TRPM3: variants seen among roughly 807,000 people sequenced by gnomAD.
The protein encoded by TRPM3 is transient receptor potential cation channel subfamily M member 3.
Under a neutral mutation model 181.2 loss-of-function variants are expected in TRPM3, and 77 were observed. The observed-to-expected ratio is 0.42, with a 90% CI of 0.35 to 0.51. The LOEUF is 0.51. Among genes scored for constraint, TRPM3 ranks in the 20% least tolerant of loss-of-function variants. The probability of loss-of-function intolerance (pLI) is 0.01; values close to 1 mark genes in which losing one functional copy is unlikely to be tolerated. For missense variants in TRPM3, 1,759 were observed against 2,196.7 expected (o/e 0.80, Z 3.98); for synonymous variants, 745 against 796.4 (o/e 0.94, Z 1.09).
chr9:70,553,140 G>A lies in TRPM3; in HGVS notation c.3374+20C>T. The A allele has an allele frequency of 6.2e-7, 1 of 1,614,056 alleles. No homozygotes were observed. The highest frequency in any genetic ancestry group is 8.5e-7 in the Non-Finnish European group (1 of 1,179,920). On this transcript the variant is annotated intron_variant, in intron 23 of 25. Transcript: ENST00000677713. Reference sequence around the variant, plus strand: ...CCTGCTGTCCTCATCCATCCCACGTGCTCCAAAGGACCCACTTACTTAAAG... The same window carrying A: ...CCTGCTGTCCTCATCCATCCCACGTACTCCAAAGGACCCACTTACTTAAAG...
chr9:70,554,781 A>T (rs1413753251), intron 22 of TRPM3, among the ~76,000 whole-genome samples: 2 of 152,218 alleles, frequency 1.3e-5, no homozygotes, highest in African/African-American at 4.8e-5. Flanking sequence ...TAACATTAGG[A>T]CACCAAGACC....
intron 25 of TRPM3, among the ~76,000 whole-genome samples, chr9:70,545,841 C>T (rs1360542851): frequency 6.6e-6 from 1 of 152,134 alleles, no homozygotes. Flanking sequence ...AACCACTGCA[C>T]CCGGCCTTAA....
intron 1 of TRPM3, among the ~76,000 whole-genome samples, chr9:71,139,215 A>C (rs1005027988): frequency 6.6e-6 from 1 of 152,202 alleles, no homozygotes; most frequent in Non-Finnish European, 1.5e-5. Flanking sequence ...ATTGATGGGA[A>C]CAGCATATTA....
intron 1 of TRPM3, among the ~76,000 whole-genome samples, chr9:71,430,935 C>T (rs993241982): frequency 2.0e-5 from 3 of 152,128 alleles, no homozygotes; most frequent in African/African-American, 4.8e-5. Flanking sequence ...AGTTTCTTGC[C>T]ATAATAAGTA....
intron 17 of TRPM3, among the ~76,000 whole-genome samples, chr9:70,617,164 G>A (rs538039865): frequency 3.9e-5 from 6 of 152,266 alleles, no homozygotes; most frequent in South Asian, 2.1e-4. Context: ...GTGCCTGGCC[G>A]GCCTACGAAG....
At position 70,873,879 on chromosome 9, in the gene TRPM3, T is replaced by C. The variant is rs992426740; in HGVS notation, c.178-9368A>G. ...TGTAATTTCACCTAGAACACTTCCC[T>C]TCTTCCTTCTCCTATTTTTATCATT... On this transcript the variant is annotated intron_variant, in intron 1 of 25. Coordinates refer to ENST00000677713, the MANE Select transcript of TRPM3 (RefSeq NM_001366145.2). Among the ~76,000 whole-genome samples, 11 of 152,018 alleles carry C rather than the reference T, an allele frequency of 7.2e-5. No homozygotes were observed. The East Asian group carries it at 1.4e-3, about 19-fold the overall frequency.
At chr9:71,417,370 T>C (rs2093652463) in intron 1 of TRPM3, among the ~76,000 whole-genome samples, 1 of 151,990 alleles carries the variant, frequency 6.6e-6, no homozygotes, top group African/African-American at 2.4e-5. Flanking sequence ...TGGTTTTAAC[T>C]TGAATTTCCC....
chr9:70,781,906 A>T (rs1564257402), intron 7 of TRPM3, among the ~76,000 whole-genome samples: 1 of 152,038 alleles, frequency 6.6e-6, no homozygotes, highest in Non-Finnish European at 1.5e-5. Context: ...AATAATAGGC[A>T]CTTAGTCCTG....
At chr9:71,115,295 CCCA>C (rs2072098696) in intron 1 of TRPM3, among the ~76,000 whole-genome samples, 1 of 152,146 alleles carries the variant, frequency 6.6e-6, no homozygotes, top group Non-Finnish European at 1.5e-5. Flanking sequence ...AATTCCTGAA[CCCA>C]CCACCTACCT....
At chr9:71,423,264 C>T (rs1347033073) in intron 1 of TRPM3, among the ~76,000 whole-genome samples, 3 of 152,050 alleles carry the variant, frequency 2.0e-5, no homozygotes, top group Non-Finnish European at 4.4e-5. Context: ...TAGGAAAGAT[C>T]CACTAAAAGT....
In TRPM3 at chr9:70,791,571, C is replaced by G. The variant is rs139995644; in HGVS notation, c.974-7292G>C. On this transcript the variant is annotated intron_variant, in intron 6 of 25. Transcript: ENST00000677713. ...TTAATGAACCCCCTCTATGTACAAT[C>G]TTTTCATATTTAAAGCTAATAACAA... Among the ~76,000 whole-genome samples the G allele has an allele frequency of 3.3e-5, 5 of 152,306 alleles. No homozygotes were observed. The East Asian group carries it at 9.7e-4, about 29-fold the overall frequency.
intron 8 of TRPM3, among the ~76,000 whole-genome samples, chr9:70,752,043 T>TGG (rs1204795370): frequency 5.3e-5 from 6 of 112,152 alleles, no homozygotes; most frequent in Non-Finnish European, 9.6e-5. Flanking sequence ...TGTGTGTGTG[T>TGG]GTGTGTGCGC....
At position 70,924,728 on chromosome 9, in the gene TRPM3, C is replaced by T. The variant is rs148642918; in HGVS notation, c.178-60217G>A. Reference sequence around the variant, plus strand: ...TAAGCTAAAATTTGACATGTTAACACTAATACGTAAGCCTTATAGTCCTGA... The same window carrying T: ...TAAGCTAAAATTTGACATGTTAACATTAATACGTAAGCCTTATAGTCCTGA... On this transcript the variant is annotated intron_variant, in intron 1 of 25. Coordinates refer to ENST00000677713, the MANE Select transcript of TRPM3 (RefSeq NM_001366145.2). Among the ~76,000 whole-genome samples, 365 of 152,250 alleles carry T rather than the reference C, an allele frequency of 2.4e-3. 2 individuals carry two copies. The highest frequency in any genetic ancestry group is 8.5e-3 in the African/African-American group (352 of 41,544).
chr9:70,984,460 T>C (rs1030393728), intron 1 of TRPM3, among the ~76,000 whole-genome samples: 1 of 152,216 alleles, frequency 6.6e-6, no homozygotes, highest in Non-Finnish European at 1.5e-5. Context: ...CCAAACACTT[T>C]CTCTTAATCA....
intron 1 of TRPM3, among the ~76,000 whole-genome samples, chr9:71,004,541 A>G (rs143033756): frequency 2.3e-3 from 355 of 152,364 alleles, no homozygotes; most frequent in Non-Finnish European, 4.1e-3. Context: ...CTCCTCCTAT[A>G]TGCAGGCATC....
intron 1 of TRPM3, among the ~76,000 whole-genome samples, chr9:70,959,834 A>G (rs997737394): frequency 2.0e-5 from 3 of 152,138 alleles, no homozygotes; most frequent in Admixed American, 1.3e-4. Context: ...TTTCTCTTCC[A>G]TTTCACAAAA....
At chr9:71,265,362 T>A (rs1207361010) in intron 1 of TRPM3, among the ~76,000 whole-genome samples, 1 of 152,208 alleles carries the variant, frequency 6.6e-6, no homozygotes, top group Non-Finnish European at 1.5e-5. Flanking sequence ...TTATTGCTCA[T>A]AGTATTTGCA....
At position 71,353,749 on chromosome 9, in the gene TRPM3, G is replaced by A. The variant is rs549886954; in HGVS notation, c.183+92904C>T. The stretch of plus-strand genomic sequence containing the variant: ...GTTTCCCTTCTTTTGTAAATATTTG[G>A]CAGTTTTATAAAATAAAGCTTCCCC... On this transcript the variant is annotated intron_variant, in intron 1 of 24. Coordinates refer to the TRPM3 transcript ENST00000357533. Among the ~76,000 whole-genome samples the A allele has an allele frequency of 2.0e-5, 3 of 152,176 alleles. No homozygotes were observed. In the South Asian group the frequency reaches 6.2e-4, roughly 32 times the overall value.
At chr9:70,593,468 G>T (rs910517182) in intron 21 of TRPM3, among the ~76,000 whole-genome samples, 3 of 152,158 alleles carry the variant, frequency 2.0e-5, no homozygotes, top group African/African-American at 7.2e-5. Context: ...AGGAAGGTTT[G>T]TGCTCATGAG....
Sources: allele counts gnomAD v4.1 joint callset (sites outside exome capture counted in the v4.1 genomes callset), GRCh38; gene constraint gnomAD v4.1.1; transcripts MANE v1.5; gene names NCBI Gene and HGNC (gene_info 2026-07-23, HGNC 2026-07-21).